The following PGAP3 variants were observed in gnomAD, a reference collection of about 807,000 sequenced individuals.
PGAP3 encodes GPI-specific phospholipase A2-like PGAP3.
In PGAP3, 31 loss-of-function variants were observed where a neutral mutation model predicts 40.3. The ratio of observed to expected loss-of-function variants is 0.77; its 90% CI spans 0.58 to 1.04. PGAP3 has a LOEUF of 1.04. Ranked by LOEUF, PGAP3 falls within the 50% of genes least tolerant of loss-of-function variation. The probability of loss-of-function intolerance (pLI) is 0.00; values close to 1 mark genes in which losing one functional copy is unlikely to be tolerated. For missense variants in PGAP3, 413 were observed against 423.0 expected (o/e 0.98, Z 0.21); for synonymous variants, 191 against 184.5 (o/e 1.04, Z -0.29).
At chr17:39,675,019 C>A (rs1457608258) in intron 3 of PGAP3, among the ~76,000 whole-genome samples, 1 of 137,210 alleles carries the variant, frequency 7.3e-6, no homozygotes, top group African/African-American at 2.6e-5. Flanking sequence ...CCTCCTCCTC[C>A]AACCGGCAGG....
intron 1 of PGAP3, 136 bp downstream of exon 1, chr17:39,687,698 C>T (rs1030281460): frequency 3.3e-6 from 2 of 602,622 alleles, no homozygotes; most frequent in African/African-American, 3.8e-5. Flanking sequence ...AGGCTCTCAT[C>T]ACCTTAGGGG....
Position 39,672,401 on chromosome 17 carries a change from T to C in PGAP3, c.*402A>G, listed in dbSNP as rs2057318382. On this transcript the variant is annotated 3_prime_UTR_variant, in exon 8 of 8. Transcript: ENST00000300658. The stretch of plus-strand genomic sequence containing the variant: ...GGGGTGGTAACAGAAGGGGACCCCC[T>C]GTATCCCTAAGGCCTGTGGTCCCTG... The C allele has an allele frequency of 4.1e-6, 1 of 246,584 alleles. No homozygotes were observed. Among genetic ancestry groups the C allele is most frequent in the Non-Finnish European group, 7.9e-6 (1 of 126,208 alleles). The allele number at this position is 246,584 out of a possible 1,614,324, so 15.3% of individuals were successfully genotyped here.
At chr17:39,687,748 G>C in intron 1 of PGAP3, 86 bp downstream of exon 1, 2 of 1,097,170 alleles carry the variant, frequency 1.8e-6, no homozygotes, top group South Asian at 6.6e-5. Flanking sequence ...GGGAAACTAA[G>C]GTTCAGGGAT....
At position 39,684,658 on chromosome 17, in the gene PGAP3, C is replaced by T. The variant is rs770428375; in HGVS notation, c.371G>A (p.Arg124His). The T allele has an allele frequency of 5.8e-5, 94 of 1,613,902 alleles. No individual in the cohort carries two copies. In the Admixed American group the frequency reaches 1.4e-3, roughly 24 times the overall value. Residue 124 changes from arginine to histidine, a missense_variant, in exon 3 of 8, where the codon CGC becomes CAC. By Grantham distance (29) the Arg-to-His change is conservative. Transcript: ENST00000300658. Reference sequence around the variant, plus strand: ...GGAGGCTGGCACGAAGGTGCGGTAGCGGCAGAGCATCACCAGGCTGGCCAG... The same window carrying T: ...GGAGGCTGGCACGAAGGTGCGGTAGTGGCAGAGCATCACCAGGCTGGCCAG... Reference protein sequence around the residue: ...NGLASLVMLCRYRTFVPASSP... With the variant: ...NGLASLVMLCHYRTFVPASSP...
intron 3 of PGAP3, among the ~76,000 whole-genome samples, chr17:39,675,667 A>G (rs2057367512): frequency 1.3e-5 from 2 of 152,336 alleles, no homozygotes; most frequent in South Asian, 4.1e-4. Context: ...GGGAGGGGGC[A>G]AGAAGCTACA....
chr17:39,686,541 C>T (rs1479187461), intron 1 of PGAP3, among the ~76,000 whole-genome samples: 4 of 150,614 alleles, frequency 2.7e-5, no homozygotes, highest in African/African-American at 9.8e-5. Context: ...CAGGCACGAG[C>T]CACCGCACCC....
intron 1 of PGAP3, among the ~76,000 whole-genome samples, 183 bp downstream of exon 1, chr17:39,687,651 T>C (rs2057575885): frequency 6.6e-6 from 1 of 152,112 alleles, no homozygotes; most frequent in Non-Finnish European, 1.5e-5. Context: ...AACAAATAAG[T>C]AAATGAAAGC....
Position 39,674,070 on chromosome 17 carries a change from G to A in PGAP3, c.496-16C>T. 6.2e-7 allele frequency: 1 copy of A among 1,612,240 alleles called. No homozygotes were observed. Among genetic ancestry groups the A allele is most frequent in the Non-Finnish European group, 8.5e-7 (1 of 1,178,354 alleles). On this transcript the variant is annotated splice_polypyrimidine_tract_variant and intron_variant, in intron 4 of 7. Transcript: ENST00000300658. ...AGTCCATTTTCTGAGGACAGGGAAG[G>A]GTGGTGAGGGACCAGCATGAGGCTT...
At chr17:39,673,685 T>C in intron 5 of PGAP3, 35 bp from the exon 6 acceptor site, 1 of 1,610,172 alleles carries the variant, frequency 6.2e-7, no homozygotes, top group Non-Finnish European at 8.5e-7. Context: ...AGAGGGCAGG[T>C]GGCCCATCCC....
intron 3 of PGAP3, among the ~76,000 whole-genome samples, chr17:39,677,941 G>A (rs1242599011): frequency 6.6e-6 from 1 of 152,162 alleles, no homozygotes; most frequent in Non-Finnish European, 1.5e-5. Context: ...TCTCAGAAGT[G>A]GGGGAGGCAG....
At chr17:39,679,438 G>A (rs1303966624) in intron 3 of PGAP3, among the ~76,000 whole-genome samples, 1 of 152,158 alleles carries the variant, frequency 6.6e-6, no homozygotes, top group African/African-American at 2.4e-5. Context: ...GACAAGGGGT[G>A]GGACCCTCCG....
intron 3 of PGAP3, among the ~76,000 whole-genome samples, chr17:39,679,660 G>A (rs2057416193): frequency 1.3e-5 from 2 of 152,264 alleles, no homozygotes; most frequent in African/African-American, 4.8e-5. Flanking sequence ...GCTCCAAGAG[G>A]CCTACACAGG....
intron 4 of PGAP3, 64 bp from the exon 5 acceptor site, chr17:39,674,118 G>A (rs1031297164): frequency 6.5e-7 from 1 of 1,533,726 alleles, no homozygotes; most frequent in Non-Finnish European, 9.0e-7. Context: ...CCGCGGGGAT[G>A]GGGGCATGGA....
Position 39,671,644 on chromosome 17 carries a change from G to C in PGAP3, c.*1159C>G, listed in dbSNP as rs2057307015. 1 of 152,440 alleles carries C rather than the reference G, an allele frequency of 6.6e-6. No individual in the cohort carries two copies. The highest frequency in any genetic ancestry group is 2.4e-5 in the African/African-American group (1 of 41,462). 9.4% of individuals were successfully genotyped at this position (152,440 alleles called of 1,614,324 possible). A position where few individuals can be genotyped will look rare whatever the true frequency, so the allele number is the denominator to read the frequency against. ...GGCAAGGAGAAAAGGAGGATGGAGAGAGCCCCAGCCATCCCCATTTTCCTT... is the reference window on the plus strand; with the variant it reads ...GGCAAGGAGAAAAGGAGGATGGAGACAGCCCCAGCCATCCCCATTTTCCTT... On this transcript the variant is annotated 3_prime_UTR_variant, in exon 8 of 8. Transcript: ENST00000300658.
chr17:39,678,013 C>T (rs982031305), intron 3 of PGAP3, among the ~76,000 whole-genome samples: 9 of 152,142 alleles, frequency 5.9e-5, no homozygotes, highest in Admixed American at 5.9e-4. Flanking sequence ...TGTCTCACCC[C>T]CTGCCTCAGG....
At chr17:39,685,780 G>C (rs544060400) in intron 2 of PGAP3, 142 bp downstream of exon 2, 39 of 667,936 alleles carry the variant, frequency 5.8e-5, no homozygotes, top group Admixed American at 9.5e-5. Context: ...GAAACCAGCA[G>C]ATTTTGGGGA....
In PGAP3 at chr17:39,671,184, G is replaced by C. The variant is rs2057300599; in HGVS notation, c.*1619C>G. Reference sequence around the variant, plus strand: ...CACCCTCCCACCTTAAAAGTTTTCAGTATCAAAAGAAGCTAGCGCAGGCCA... The same window carrying C: ...CACCCTCCCACCTTAAAAGTTTTCACTATCAAAAGAAGCTAGCGCAGGCCA... On this transcript the variant is annotated 3_prime_UTR_variant, in exon 8 of 8. Transcript: ENST00000300658. 6.6e-6 allele frequency: 1 copy of C among 152,372 alleles called. No homozygotes were observed. Among genetic ancestry groups the C allele is most frequent in the East Asian group, 1.9e-4 (1 of 5,336 alleles). 9.4% of individuals were successfully genotyped at this position (152,372 alleles called of 1,614,324 possible).
At position 39,686,023 on chromosome 17, in the gene PGAP3, A is replaced by T. The variant is rs1164605605; in HGVS notation, c.182-4T>A. 2.5e-6 allele frequency: 4 copies of T among 1,611,422 alleles called. No individual in the cohort carries two copies. In the South Asian group the frequency reaches 4.4e-5, roughly 18 times the overall value. On this transcript the variant is annotated splice_region_variant and splice_polypyrimidine_tract_variant and intron_variant, in intron 1 of 7. Transcript: ENST00000300658. ...CAGTCGTCCCGACAGGTCCAGCCTG[A>T]AACAGACAAATGTGGCCTGGTGAAC...
intron 3 of PGAP3, among the ~76,000 whole-genome samples, chr17:39,680,468 G>A (rs554624252): frequency 4.6e-5 from 7 of 152,280 alleles, no homozygotes; most frequent in African/African-American, 1.7e-4. Context: ...AGGTTTAACA[G>A]CCTCCTTCCC....
Sources: allele counts gnomAD v4.1 joint callset (sites outside exome capture counted in the v4.1 genomes callset), GRCh38; gene constraint gnomAD v4.1.1; transcripts MANE v1.5; gene names NCBI Gene and HGNC (gene_info 2026-07-23, HGNC 2026-07-21).